PDE4D: variants seen among roughly 807,000 people sequenced by gnomAD.
PDE4D encodes the protein phosphodiesterase 4D.
PDE4D carries 24 observed loss-of-function variants against 87.4 expected under a neutral mutation model. The ratio of observed to expected loss-of-function variants is 0.27; its 90% confidence interval spans 0.20 to 0.39. PDE4D has a LOEUF of 0.39. Among genes scored for constraint, PDE4D ranks in the 10% least tolerant of loss-of-function variants. The pLI is 1.00. For missense variants in PDE4D, 714 were observed against 1,041.0 expected (o/e 0.69, Z 4.32); for synonymous variants, 384 against 383.2 (o/e 1.00, Z -0.02).
intron 1 of PDE4D, among the ~76,000 whole-genome samples, chr5:59,867,794 C>A (rs1271900460): frequency 6.6e-6 from 1 of 152,126 alleles, no homozygotes; most frequent in South Asian, 2.1e-4. Context: ...AATCAATCTC[C>A]TTGCTATATC....
chr5:59,310,180 T>A (rs1002954688), intron 1 of PDE4D, among the ~76,000 whole-genome samples: 6 of 152,198 alleles, frequency 3.9e-5, no homozygotes, highest in Non-Finnish European at 8.8e-5. Flanking sequence ...ATTCAAAGAC[T>A]GGAGACCTTC....
intron 1 of PDE4D, among the ~76,000 whole-genome samples, chr5:59,346,070 C>A (rs1359932710): frequency 6.6e-6 from 1 of 151,674 alleles, no homozygotes; most frequent in African/African-American, 2.4e-5. Context: ...ATGAATGAAT[C>A]CCATAAACAC....
intron 3 of PDE4D, among the ~76,000 whole-genome samples, chr5:59,907,666 C>T (rs62371465): frequency 0.029 from 4,453 of 152,202 alleles, 85 homozygotes; most frequent in Middle Eastern, 0.048. Context: ...ATAACATTCT[C>T]TCTGCGTTTA....
At chr5:60,227,518 G>A (rs535890268) in intron 1 of PDE4D, among the ~76,000 whole-genome samples, 1 of 149,670 alleles carries the variant, frequency 6.7e-6, no homozygotes, top group African/African-American at 2.5e-5. Flanking sequence ...GGGAAATAAG[G>A]GTAGAAGGGA....
chr5:59,826,551 C>T (rs962214109), intron 1 of PDE4D, among the ~76,000 whole-genome samples: 4 of 151,702 alleles, frequency 2.6e-5, no homozygotes, highest in Admixed American at 2.0e-4. Context: ...TACCTGTGCA[C>T]AACATGCAAT....
In PDE4D at chr5:58,973,341, T is replaced by A. The variant is rs149834563; in HGVS notation, c.*1323A>T. On this transcript the variant is annotated 3_prime_UTR_variant, in exon 15 of 15. Transcript: ENST00000340635. The stretch of plus-strand genomic sequence containing the variant: ...GTGATATATTTGACAAGACCTCATC[T>A]AGCAAACATGGATAAGGTTCAGACA... 2.5e-3 allele frequency: 388 copies of A among 152,308 alleles called. No individual in the cohort carries two copies. Among genetic ancestry groups the A allele is most frequent in the African/African-American group, 7.8e-3 (323 of 41,570 alleles). The allele number at this position is 152,308 out of a possible 1,614,324, so 9.4% of individuals were successfully genotyped here.
chr5:59,228,100 T>C (rs950453066), intron 1 of PDE4D, among the ~76,000 whole-genome samples: 3 of 152,126 alleles, frequency 2.0e-5, no homozygotes, highest in Admixed American at 2.0e-4. Flanking sequence ...ATGTTCTTTG[T>C]AGGAACATGG....
At chr5:59,415,042 G>T (rs1471309771) in intron 1 of PDE4D, among the ~76,000 whole-genome samples, 1 of 152,212 alleles carries the variant, frequency 6.6e-6, no homozygotes, top group Non-Finnish European at 1.5e-5. Flanking sequence ...GATGGCTAGA[G>T]TCTGGAGACT....
At chr5:60,198,872 G>A (rs2149539483) in intron 1 of PDE4D, among the ~76,000 whole-genome samples, 1 of 151,584 alleles carries the variant, frequency 6.6e-6, no homozygotes, top group South Asian at 2.1e-4. Context: ...TACTAACCCT[G>A]CAAAAATGTT....
intron 5 of PDE4D, among the ~76,000 whole-genome samples, chr5:59,121,950 T>C (rs1774575697): frequency 6.6e-6 from 1 of 152,022 alleles, no homozygotes; most frequent in South Asian, 2.1e-4. Flanking sequence ...CAGACCAGCC[T>C]GGCCAATATG....
chr5:60,423,145 G>A lies in PDE4D; in HGVS notation c.-90+64797C>T, dbSNP rs527979507. 4.6e-5 allele frequency among the ~76,000 whole-genome samples: 7 copies of A among 152,196 alleles called. No individual in the cohort carries two copies. The East Asian group carries it at 1.2e-3, about 25-fold the overall frequency. On this transcript the variant is annotated intron_variant, in intron 1 of 16. Transcript: ENST00000502484. ...TATTAGACCGATCAACCAGAGAGAA[G>A]GTTAACAAGGAAATCCAGGACTTGA... is the stretch of plus-strand genomic sequence containing the variant.
intron 1 of PDE4D, among the ~76,000 whole-genome samples, chr5:59,709,353 G>T (rs1459543022): frequency 1.3e-5 from 2 of 152,252 alleles, no homozygotes; most frequent in Admixed American, 1.3e-4. Flanking sequence ...ACAGCTGAAA[G>T]CCAACTGACA....
intron 1 of PDE4D, among the ~76,000 whole-genome samples, chr5:59,220,542 T>C (rs971476700): frequency 1.3e-5 from 2 of 152,056 alleles, no homozygotes; most frequent in Non-Finnish European, 2.9e-5. Context: ...AGGTTAGTTG[T>C]GGATTTTAAA....
intron 1 of PDE4D, among the ~76,000 whole-genome samples, chr5:59,811,456 C>G (rs1768338149): frequency 6.6e-6 from 1 of 152,228 alleles, no homozygotes; most frequent in South Asian, 2.1e-4. Flanking sequence ...AAAGAATGCT[C>G]TCCCATATTA....
chr5:59,903,552 GA>G (rs1003398910), intron 3 of PDE4D, among the ~76,000 whole-genome samples: 10 of 151,776 alleles, frequency 6.6e-5, no homozygotes, highest in African/African-American at 1.2e-4. Flanking sequence ...GAAAGTAATA[GA>G]AAAAAAACTG....
chr5:59,755,570 G>A (rs893618931), intron 1 of PDE4D, among the ~76,000 whole-genome samples: 40 of 152,106 alleles, frequency 2.6e-4, no homozygotes, highest in African/African-American at 9.6e-4. Flanking sequence ...ATTCAGAGGA[G>A]AACTGTAGAA....
intron 1 of PDE4D, among the ~76,000 whole-genome samples, chr5:59,520,761 A>G (rs1812062290): frequency 6.6e-6 from 1 of 152,196 alleles, no homozygotes; most frequent in African/African-American, 2.4e-5. Context: ...AAATCCTTAC[A>G]TTTCAACTAT....
At chr5:59,304,821 C>T (rs1212213883) in intron 1 of PDE4D, among the ~76,000 whole-genome samples, 2 of 151,978 alleles carry the variant, frequency 1.3e-5, no homozygotes, top group Non-Finnish European at 2.9e-5. Context: ...AGGATTTTAC[C>T]ATCTATGTTT....
chr5:59,666,704 A>G (rs1460372121), intron 1 of PDE4D, among the ~76,000 whole-genome samples: 3 of 152,224 alleles, frequency 2.0e-5, no homozygotes, highest in African/African-American at 7.2e-5. Flanking sequence ...TAAGCAACTG[A>G]ATTGTAAAAG....
Sources: gnomAD v4.1 joint callset for allele counts (sites outside exome capture counted in the v4.1 genomes callset) on GRCh38, gnomAD v4.1.1 for gene constraint, MANE v1.5 for transcripts, NCBI Gene and HGNC (gene_info 2026-07-23, HGNC 2026-07-21) for gene names.